The following RPGRIP1 variants were observed in gnomAD, a reference collection of about 807,000 sequenced individuals.
The protein encoded by RPGRIP1 is X-linked retinitis pigmentosa GTPase regulator-interacting protein 1.
RPGRIP1 carries 128 observed loss-of-function variants against 157.9 expected under a neutral mutation model. The ratio of observed to expected loss-of-function variants is 0.81; its 90% CI spans 0.70 to 0.94. RPGRIP1 has a LOEUF of 0.94. Among genes scored for constraint, RPGRIP1 ranks in the 40% least tolerant of loss-of-function variants. RPGRIP1 has a pLI of 0.00. For missense variants in RPGRIP1, 1,486 were observed against 1,545.8 expected, an observed-to-expected ratio of 0.96 and a Z score of 0.65; for synonymous variants, 554 against 571.6, an observed-to-expected ratio of 0.97 and a Z score of 0.44.
intron 2 of RPGRIP1, among the ~76,000 whole-genome samples, chr14:21,289,791 G>A (rs1448367711): frequency 2.0e-5 from 3 of 151,908 alleles, no homozygotes; most frequent in East Asian, 1.9e-4. Flanking sequence ...TCACCTGGTC[G>A]GGAGTTAAAA....
At chr14:21,319,631 A>T (rs1427377699) in intron 11 of RPGRIP1, among the ~76,000 whole-genome samples, 1 of 152,160 alleles carries the variant, frequency 6.6e-6, no homozygotes, top group Admixed American at 6.6e-5. Flanking sequence ...GTGGGTGTGA[A>T]GATGGGTGCC....
At chr14:21,340,768 A>G (rs548910242) in intron 21 of RPGRIP1, among the ~76,000 whole-genome samples, 1 of 152,164 alleles carries the variant, frequency 6.6e-6, no homozygotes, top group East Asian at 1.9e-4. Flanking sequence ...TGCAGTATCC[A>G]ATACTCTTAT....
Position 21,330,375 on chromosome 14 carries a change from C to A in RPGRIP1, c.3226C>A (p.His1076Asn). 2 of 1,528,250 alleles carry A rather than the reference C, an allele frequency of 1.3e-6. No individual in the cohort carries two copies. The highest frequency in any genetic ancestry group is 1.7e-6 in the Non-Finnish European group (2 of 1,145,052). 94.7% of individuals were successfully genotyped at this position (1,528,250 alleles called of 1,614,324 possible). Reference protein sequence around the residue: ...HSALKQKEPLHPVNDKESSEQ... With the variant: ...HSALKQKEPLNPVNDKESSEQ... ...AGCACTGAAACAGAAGGAACCTCTACATCCTGTAAATGGTATTGTCTTTTA... is the reference window on the plus strand; with the variant it reads ...AGCACTGAAACAGAAGGAACCTCTAAATCCTGTAAATGGTATTGTCTTTTA... Residue 1076 changes from histidine (H) to asparagine (N), a missense_variant, in exon 20 of 25, where the codon CAT (histidine) becomes AAT (asparagine). Coordinates refer to ENST00000400017, the MANE Select transcript of RPGRIP1 (RefSeq NM_020366.4).
intron 2 of RPGRIP1, among the ~76,000 whole-genome samples, chr14:21,290,621 C>T (rs1348163446): frequency 6.6e-6 from 1 of 152,046 alleles, no homozygotes; most frequent in East Asian, 1.9e-4. Context: ...ACCATCCTTC[C>T]TGGCTAACAC....
intron 3 of RPGRIP1, among the ~76,000 whole-genome samples, chr14:21,295,353 G>T (rs1331218629): frequency 6.6e-6 from 1 of 151,996 alleles, no homozygotes; most frequent in Non-Finnish European, 1.5e-5. Flanking sequence ...AGAAAAGCCT[G>T]CAGGGGCAAG....
At chr14:21,313,559 G>T in intron 10 of RPGRIP1, among the ~76,000 whole-genome samples, 1 of 152,064 alleles carries the variant, frequency 6.6e-6, no homozygotes, top group Admixed American at 6.6e-5. Flanking sequence ...GGATGCCGAG[G>T]CGGCCAGATC....
chr14:21,303,677 T>G (rs1462356908), intron 6 of RPGRIP1, 134 bp downstream of exon 6: 1 of 689,608 alleles, frequency 1.5e-6, no homozygotes, highest in Non-Finnish European at 2.4e-6. Context: ...AGACACGGAG[T>G]CCCTCGTAGG....
At chr14:21,295,493 T>C (rs2139146489) in intron 3 of RPGRIP1, among the ~76,000 whole-genome samples, 3 of 113,442 alleles carry the variant, frequency 2.6e-5, no homozygotes. Flanking sequence ...TTTTTTTTTT[T>C]TTTTTTTGAG....
At chr14:21,325,518 C>T (rs1882987184) in intron 16 of RPGRIP1, 135 bp downstream of exon 16, 1 of 880,712 alleles carries the variant, frequency 1.1e-6, no homozygotes. Flanking sequence ...CACAACTAGT[C>T]TGGATTATTC....
chr14:21,344,279 T>G (rs1400046078), intron 22 of RPGRIP1, among the ~76,000 whole-genome samples: 4 of 152,186 alleles, frequency 2.6e-5, no homozygotes, highest in Admixed American at 2.6e-4. Context: ...TTCATTCGCC[T>G]TATTTTCATT....
chr14:21,289,693 AC>A (rs533791028), intron 2 of RPGRIP1, among the ~76,000 whole-genome samples: 168 of 152,050 alleles, frequency 1.1e-3, no homozygotes, highest in African/African-American at 3.7e-3. Context: ...GTGTAACTCT[AC>A]TTTTGAGTAT....
chr14:21,284,412 G>T (rs1880230542), intron 1 of RPGRIP1, among the ~76,000 whole-genome samples: 1 of 148,334 alleles, frequency 6.7e-6, no homozygotes, highest in South Asian at 2.1e-4. Context: ...ACTGGTAAGA[G>T]AAATTACAAT....
At chr14:21,304,105 G>C (rs953486677) in intron 6 of RPGRIP1, among the ~76,000 whole-genome samples, 1 of 151,926 alleles carries the variant, frequency 6.6e-6, no homozygotes, top group African/African-American at 2.4e-5. Flanking sequence ...CTGAGATCGG[G>C]AGTTCAAGAC....
chr14:21,292,542 A>T (rs1160852886), intron 2 of RPGRIP1, among the ~76,000 whole-genome samples: 1 of 152,160 alleles, frequency 6.6e-6, no homozygotes, highest in Non-Finnish European at 1.5e-5. Context: ...CCTTGTCACT[A>T]TAAAAAATTT....
In RPGRIP1 at chr14:21,301,123, G is replaced by C. The variant is rs375226924; in HGVS notation, c.376G>C (p.Gly126Arg). Reference sequence around the variant, plus strand: ...GCGCCCCCAGATGCACCGACTGCAAGGGCATTTCCACTGCGTCGGCCCTGC... The same window carrying C: ...GCGCCCCCAGATGCACCGACTGCAACGGCATTTCCACTGCGTCGGCCCTGC... The part of the protein sequence containing the change: ...HQRPQMHRLQ[G>R]HFHCVGPASP... The change falls in exon 4 of 25, where the codon GGG (glycine) becomes CGG (arginine). Residue 126 changes from glycine to arginine, a missense_variant. Transcript: ENST00000400017. The C allele has an allele frequency of 5.4e-5, 86 of 1,606,866 alleles. No homozygotes were observed. The African/African-American group carries it at 1.1e-3, about 20-fold the overall frequency.
At chr14:21,327,148 T>C (rs1447333217) in intron 17 of RPGRIP1, among the ~76,000 whole-genome samples, 1 of 152,216 alleles carries the variant, frequency 6.6e-6, no homozygotes, top group Non-Finnish European at 1.5e-5. Context: ...ACAACTCCTT[T>C]GCCAAACAGG....
At position 21,348,319 on chromosome 14, in the gene RPGRIP1, T is replaced by C. The variant is rs756017959; in HGVS notation, c.3748+17T>C. On this transcript the variant is annotated intron_variant, in intron 24 of 24. Transcript: ENST00000400017. ...AGCTAGACAGTGAGTCATTTTTTTT[T>C]CAGTTCTAATTATTTCCAAGGAAAT... 1.6e-5 allele frequency: 24 copies of C among 1,531,264 alleles called. 1 individual carries two copies. The highest frequency in any genetic ancestry group is 1.2e-4 in the South Asian group (9 of 77,236). The allele number at this position is 1,531,264 out of a possible 1,614,324, so 94.9% of individuals were successfully genotyped here.
At chr14:21,330,880 A>G (rs1364947251) in intron 20 of RPGRIP1, among the ~76,000 whole-genome samples, 1 of 151,722 alleles carries the variant, frequency 6.6e-6, no homozygotes, top group Non-Finnish European at 1.5e-5. Context: ...GTGTTTATAA[A>G]ATGTTATTTT....
At chr14:21,330,439 TG>T in intron 20 of RPGRIP1, 52 bp downstream of exon 20, 1 of 1,290,610 alleles carries the variant, frequency 7.7e-7, no homozygotes, top group Middle Eastern at 2.0e-4. Flanking sequence ...GAGGCCGAGG[TG>T]GGCAGATCAC....
Sources: gnomAD v4.1 joint callset for allele counts (sites outside exome capture counted in the v4.1 genomes callset) on GRCh38, gnomAD v4.1.1 for gene constraint, MANE v1.5 for transcripts, NCBI Gene and HGNC (gene_info 2026-07-23, HGNC 2026-07-21) for gene names.